Variants in SHISA6 observed in about 807,000 individuals in gnomAD.
SHISA6 encodes the protein protein shisa-6.
Under a neutral mutation model 47.9 loss-of-function variants are expected in SHISA6, and 22 were observed. The observed-to-expected ratio is 0.46, with a 90% confidence interval of 0.33 to 0.66. The LOEUF is 0.66. Ranked by LOEUF, SHISA6 falls within the 30% of genes least tolerant of loss-of-function variation. The pLI is 0.02. For synonymous variants in SHISA6, 388 were observed against 337.8 expected (o/e 1.15, Z -1.63); for missense variants, 680 against 764.6 (o/e 0.89, Z 1.30).
chr17:11,434,194 GCTGGGATTACAGATGCGTGCCACCACA>G (rs1914872060), intron 3 of SHISA6, among the ~76,000 whole-genome samples: 2 of 151,562 alleles, frequency 1.3e-5, no homozygotes, highest in South Asian at 4.2e-4. Context: ...CTCCTGAGTA[GCTGGGATTACAGATGCGTGCCACCACA>G]CCCAGCTAGT....
At chr17:11,489,932 A>C (rs1203984146) in intron 3 of SHISA6, among the ~76,000 whole-genome samples, 2 of 152,240 alleles carry the variant, frequency 1.3e-5, no homozygotes, top group Admixed American at 1.3e-4. Flanking sequence ...AGTACTGCCC[A>C]GGCTGAGAAA....
intron 3 of SHISA6, among the ~76,000 whole-genome samples, chr17:11,425,666 A>G (rs1040417006): frequency 6.6e-6 from 1 of 152,220 alleles, no homozygotes; most frequent in African/African-American, 2.4e-5. Flanking sequence ...AGGCAACACT[A>G]GATTTGGACC....
chr17:11,533,170 T>C (rs16944965), intron 3 of SHISA6, among the ~76,000 whole-genome samples: 30,918 of 152,124 alleles, frequency 0.2, 3,321 homozygotes, highest in South Asian at 0.29. Flanking sequence ...CCTGGCCCTT[T>C]GCTCATTAGC....
intron 2 of SHISA6, among the ~76,000 whole-genome samples, chr17:11,329,142 G>A (rs1049334612): frequency 6.6e-6 from 1 of 152,168 alleles, no homozygotes; most frequent in Non-Finnish European, 1.5e-5. Context: ...TAAAGAAAAG[G>A]TGGCAGGGCT....
chr17:11,377,700 C>T (rs1912853096), intron 2 of SHISA6, among the ~76,000 whole-genome samples: 2 of 152,136 alleles, frequency 1.3e-5, no homozygotes, highest in South Asian at 4.1e-4. Context: ...AGCTGGGCGC[C>T]TAAGAGGTTT....
chr17:11,493,928 T>G (rs1414436055), intron 3 of SHISA6, among the ~76,000 whole-genome samples: 4 of 151,946 alleles, frequency 2.6e-5, no homozygotes, highest in African/African-American at 9.7e-5. Flanking sequence ...TTTTTTTGAC[T>G]TGTTCTTTCT....
intron 3 of SHISA6, among the ~76,000 whole-genome samples, chr17:11,535,891 G>A (rs866322440): frequency 2.6e-5 from 4 of 151,968 alleles, no homozygotes; most frequent in South Asian, 4.2e-4. Flanking sequence ...AACAATGTGT[G>A]TGTGTGTGTG....
chr17:11,415,078 TA>T (rs5819316), intron 3 of SHISA6, among the ~76,000 whole-genome samples: 395 of 137,430 alleles, frequency 2.9e-3, no homozygotes, highest in Non-Finnish European at 3.1e-3. Flanking sequence ...AAACTCCATC[TA>T]AAAAAAAAAA....
chr17:11,483,994 C>T (rs921498080), intron 3 of SHISA6, among the ~76,000 whole-genome samples: 5 of 148,718 alleles, frequency 3.4e-5, no homozygotes, highest in East Asian at 1.9e-4. Context: ...CTAAAGAAAG[C>T]GGTCAATATT....
intron 3 of SHISA6, among the ~76,000 whole-genome samples, chr17:11,477,013 C>A (rs1400103869): frequency 6.6e-6 from 1 of 152,098 alleles, no homozygotes; most frequent in Admixed American, 6.5e-5. Flanking sequence ...TTATGTAATA[C>A]CTGTTCTTTA....
At chr17:11,490,219 G>A (rs1478797682) in intron 3 of SHISA6, among the ~76,000 whole-genome samples, 1 of 152,178 alleles carries the variant, frequency 6.6e-6, no homozygotes, top group Non-Finnish European at 1.5e-5. Flanking sequence ...GCATAGCGTG[G>A]GGCTGCAGAG....
At chr17:11,438,301 G>A (rs541475672) in intron 3 of SHISA6, among the ~76,000 whole-genome samples, 216 of 152,266 alleles carry the variant, frequency 1.4e-3, no homozygotes, top group Non-Finnish European at 2.6e-3. Flanking sequence ...AACCTAGAGT[G>A]CTTCATTAGT....
chr17:11,376,324 TG>T (rs1211372575), intron 2 of SHISA6, among the ~76,000 whole-genome samples: 8 of 64,292 alleles, frequency 1.2e-4, no homozygotes, highest in South Asian at 9.2e-4. Flanking sequence ...TTTTTTTGTT[TG>T]TTTTTTTTTT....
chr17:11,272,143 G>A (rs1367675255), intron 2 of SHISA6, among the ~76,000 whole-genome samples: 1 of 151,908 alleles, frequency 6.6e-6, no homozygotes, highest in Non-Finnish European at 1.5e-5. Flanking sequence ...CTTCTTTTTT[G>A]GCTCTGCCAT....
At chr17:11,311,151 A>G (rs1166743295) in intron 2 of SHISA6, among the ~76,000 whole-genome samples, 6 of 148,692 alleles carry the variant, frequency 4.0e-5, no homozygotes, top group African/African-American at 1.2e-4. Flanking sequence ...GTGTGGTGGC[A>G]GGCGCCTGTA....
chr17:11,327,967 T>C (rs1266157776), intron 2 of SHISA6, among the ~76,000 whole-genome samples: 2 of 152,032 alleles, frequency 1.3e-5, no homozygotes, highest in African/African-American at 2.4e-5. Flanking sequence ...CTCTCATAGA[T>C]ACACACACAC....
chr17:11,250,659 G>A (rs897635015), intron 1 of SHISA6, among the ~76,000 whole-genome samples: 2 of 152,286 alleles, frequency 1.3e-5, no homozygotes, highest in South Asian at 2.1e-4. Context: ...TGCATAGGCC[G>A]GGGCAGAGCC....
intron 2 of SHISA6, among the ~76,000 whole-genome samples, chr17:11,314,529 A>ATTTTTTT (rs200230465): frequency 2.1e-5 from 3 of 143,722 alleles, no homozygotes; most frequent in Admixed American, 7.1e-5. Context: ...CTGTTTTTTC[A>ATTTTTTT]TTTTTTTGTT....
intron 3 of SHISA6, among the ~76,000 whole-genome samples, chr17:11,484,437 G>A (rs761497741): frequency 1.5e-4 from 23 of 152,176 alleles, no homozygotes; most frequent in Non-Finnish European, 2.2e-4. Flanking sequence ...GTCTTGCTCT[G>A]TCACCCAGGC....
Sources: allele counts gnomAD v4.1 joint callset (sites outside exome capture counted in the v4.1 genomes callset), GRCh38; gene constraint gnomAD v4.1.1; transcripts MANE v1.5; gene names NCBI Gene and HGNC (gene_info 2026-07-23, HGNC 2026-07-21).